OAF: variants seen among roughly 807,000 people sequenced by gnomAD.
The protein encoded by OAF is out at first homolog, also known as out at first protein homolog.
A neutral mutation model predicts 22.5 loss-of-function variants in OAF; 13 were observed. The ratio of observed to expected loss-of-function variants is 0.58; its 90% confidence interval spans 0.38 to 0.92. OAF has a LOEUF of 0.92. Ranked by LOEUF, OAF falls within the 40% of genes least tolerant of loss-of-function variation. The pLI is 0.00. For synonymous variants in OAF, 175 were observed against 170.5 expected, an observed-to-expected ratio of 1.03 and a Z score of -0.21; for missense variants, 347 against 381.8, an observed-to-expected ratio of 0.91 and a Z score of 0.76.
At chr11:120,218,452 A>T (rs1204754158) in intron 1 of OAF, among the ~76,000 whole-genome samples, 1 of 151,600 alleles carries the variant, frequency 6.6e-6, no homozygotes, top group African/African-American at 2.4e-5. Context: ...TGCAGGCTAA[A>T]CCCCCTCTCC....
At chr11:120,218,148 CTGGGGGCAGGAGCACTGCTCTGG>C (rs1411442493) in intron 1 of OAF, among the ~76,000 whole-genome samples, 120 of 2,282 alleles carry the variant, frequency 0.053, 1 homozygote, top group Non-Finnish European at 0.13. Flanking sequence ...TGGGGAGGGG[CTGGGGGCAGGAGCACTGCTCTGG>C]GGAGGGGCTG....
At chr11:120,220,913 A>G (rs759728848) in intron 1 of OAF, among the ~76,000 whole-genome samples, 6 of 152,184 alleles carry the variant, frequency 3.9e-5, no homozygotes, top group Non-Finnish European at 7.4e-5. Context: ...CTCGGGTGAT[A>G]GTAGCATGGA....
Position 120,229,365 on chromosome 11 carries a change from G to GTTT in OAF, c.*223_*224insTTT. 3.7e-6 allele frequency: 2 copies of GTTT among 544,594 alleles called. No individual in the cohort carries two copies. The highest frequency in any genetic ancestry group is 6.6e-6 in the Non-Finnish European group (2 of 302,188). The allele number at this position is 544,594 out of a possible 1,614,324, so 33.7% of individuals were successfully genotyped here. ...CATTCCCACCCTGTGCCTTCCTTGCGGGCAGAGAGGGAGAGAAGGGCTCCC... is the reference window on the plus strand; with the variant it reads ...CATTCCCACCCTGTGCCTTCCTTGCGTTTGGCAGAGAGGGAGAGAAGGGCTCCC... On this transcript the variant is annotated 3_prime_UTR_variant, in exon 4 of 4. Coordinates refer to ENST00000328965, the MANE Select transcript of OAF (RefSeq NM_178507.4).
intron 1 of OAF, among the ~76,000 whole-genome samples, chr11:120,222,916 AC>A (rs1281702058): frequency 3.9e-5 from 1 of 25,622 alleles, no homozygotes; most frequent in Non-Finnish European, 9.0e-5. Context: ...GTCTCAAAAA[AC>A]AAAACAAAAC....
chr11:120,227,422 G>T (rs1159275888), intron 3 of OAF, among the ~76,000 whole-genome samples: 1 of 152,132 alleles, frequency 6.6e-6, no homozygotes, highest in African/African-American at 2.4e-5. Context: ...AGGCCCTGTG[G>T]AGGGAGATTC....
intron 1 of OAF, among the ~76,000 whole-genome samples, chr11:120,225,045 G>GGGGGGAAAGGGGAAGTGGA (rs1938332843): frequency 6.6e-6 from 1 of 152,166 alleles, no homozygotes; most frequent in Admixed American, 6.5e-5. Flanking sequence ...GGGGAAGTGG[G>GGGGGGAAAGGGGAAGTGGA]GAGGGAAAGG....
In OAF at chr11:120,227,015, A is replaced by T. The variant is rs1306015056; in HGVS notation, c.547+19A>T. 4 of 1,573,536 alleles carry T rather than the reference A, an allele frequency of 2.5e-6. No homozygotes were observed. The highest frequency in any genetic ancestry group is 3.5e-6 in the Non-Finnish European group (4 of 1,149,974). ...GAGCAAGGTCAGCTGGGAGCTGGGC[A>T]CTGCCCGCTGCTGGGCGGAGGGAAG... On this transcript the variant is annotated intron_variant, in intron 3 of 3. Coordinates refer to ENST00000328965, the MANE Select transcript of OAF (RefSeq NM_178507.4).
rs113058869 is a variant in OAF at position 120,215,093 on chromosome 11, C to G, written c.231+3583C>G. On this transcript the variant is annotated intron_variant, in intron 1 of 3. Coordinates refer to ENST00000328965, the MANE Select transcript of OAF (RefSeq NM_178507.4). ...TTTTAAAGAACCCAGGTGATGTAAT[C>G]CCAGCACTTTGGGAGGCTGAGGCAG... is the stretch of plus-strand genomic sequence containing the variant. Among the ~76,000 whole-genome samples, 950 of 151,046 alleles carry G rather than the reference C, an allele frequency of 6.3e-3. 5 individuals are homozygous for G. Among genetic ancestry groups the G allele is most frequent in the Middle Eastern group, 0.02 (6 of 294 alleles).
intron 1 of OAF, among the ~76,000 whole-genome samples, chr11:120,214,712 C>T (rs754787297): frequency 6.6e-6 from 1 of 152,236 alleles, no homozygotes; most frequent in Non-Finnish European, 1.5e-5. Flanking sequence ...CAGTCTAACT[C>T]TCTCCCACAC....
chr11:120,226,211 G>C (rs1390790076), intron 2 of OAF, among the ~76,000 whole-genome samples: 2 of 152,190 alleles, frequency 1.3e-5, no homozygotes, highest in Admixed American at 6.5e-5. Context: ...CTCATTAGTT[G>C]GGTGACATTG....
chr11:120,220,352 C>G (rs1007919503), intron 1 of OAF, among the ~76,000 whole-genome samples: 3 of 152,180 alleles, frequency 2.0e-5, no homozygotes, highest in African/African-American at 7.2e-5. Flanking sequence ...CCCTCCTCCC[C>G]TAGTACATTC....
intron 2 of OAF, among the ~76,000 whole-genome samples, chr11:120,226,091 C>A: frequency 6.6e-6 from 1 of 152,230 alleles, no homozygotes; most frequent in East Asian, 1.9e-4. Context: ...AGATCACTAA[C>A]TGAACCCCAA....
chr11:120,215,810 C>T lies in OAF; in HGVS notation c.231+4300C>T, dbSNP rs60343342. 5.1e-3 allele frequency among the ~76,000 whole-genome samples: 774 copies of T among 152,278 alleles called. 3 individuals are homozygous for T. Among genetic ancestry groups the T allele is most frequent in the African/African-American group, 0.017 (701 of 41,554 alleles). ...CAAAAGCTGGGAAGAGGATGAGTCACGCTCCAGGCTGCCTGCCTTGGGGCT... is the reference window on the plus strand; with the variant it reads ...CAAAAGCTGGGAAGAGGATGAGTCATGCTCCAGGCTGCCTGCCTTGGGGCT... On this transcript the variant is annotated intron_variant, in intron 1 of 3. Transcript: ENST00000328965.
chr11:120,212,563 C>A (rs547990), intron 1 of OAF, among the ~76,000 whole-genome samples: 135,595 of 151,664 alleles, frequency 0.89, 60,757 homozygotes, highest in Middle Eastern at 0.96. Context: ...GGGGTGAAGC[C>A]GATTAGATAG....
chr11:120,225,873 G>A lies in OAF; in HGVS notation c.366+78G>A, dbSNP rs873524. 9.8e-4 allele frequency: 1,347 copies of A among 1,373,228 alleles called. 15 individuals carry two copies. The African/African-American group carries it at 0.017, about 17-fold the overall frequency. 85.1% of individuals were successfully genotyped at this position (1,373,228 alleles called of 1,614,324 possible). A position where few individuals can be genotyped will look rare whatever the true frequency, so the allele number is the denominator to read the frequency against. On this transcript the variant is annotated intron_variant, in intron 2 of 3. Coordinates refer to ENST00000328965, the MANE Select transcript of OAF (RefSeq NM_178507.4). ...GGCCCAGATCCCATCCCGCAGACCC[G>A]GCCCAGATCCTGACCTGCAGACCCG...
At chr11:120,216,107 G>C (rs1292149136) in intron 1 of OAF, among the ~76,000 whole-genome samples, 1 of 152,178 alleles carries the variant, frequency 6.6e-6, no homozygotes, top group Non-Finnish European at 1.5e-5. Context: ...CTTGAGCCCT[G>C]TCCTGGGCAC....
chr11:120,212,359 G>A (rs941590774), intron 1 of OAF, among the ~76,000 whole-genome samples: 3 of 152,038 alleles, frequency 2.0e-5, no homozygotes, highest in Admixed American at 2.0e-4. Flanking sequence ...GAGGGAATAA[G>A]AAGGGCCTTG....
chr11:120,214,963 G>T (rs1277891459), intron 1 of OAF, among the ~76,000 whole-genome samples: 1 of 152,228 alleles, frequency 6.6e-6, no homozygotes, highest in East Asian at 1.9e-4. Context: ...ACAATCACCT[G>T]GGGAGCTTTG....
At chr11:120,215,905 G>A (rs973291020) in intron 1 of OAF, among the ~76,000 whole-genome samples, 15 of 152,164 alleles carry the variant, frequency 9.9e-5, no homozygotes, top group African/African-American at 4.8e-5. Context: ...GGTGGTGGGC[G>A]GTGGGGGTCC....
Sources: gnomAD v4.1 joint callset for allele counts (sites outside exome capture counted in the v4.1 genomes callset) on GRCh38, gnomAD v4.1.1 for gene constraint, MANE v1.5 for transcripts, NCBI Gene and HGNC (gene_info 2026-07-23, HGNC 2026-07-21) for gene names.